ST6GAL1: variants seen among roughly 807,000 people sequenced by gnomAD.
The protein encoded by ST6GAL1 is beta-galactoside alpha-2,6-sialyltransferase 1.
A neutral mutation model predicts 38.0 loss-of-function variants in ST6GAL1; 20 were observed. The observed-to-expected ratio is 0.53, with a 90% CI of 0.37 to 0.77. The LOEUF (loss-of-function observed/expected upper bound fraction) is 0.77, where lower values mean the gene tolerates loss of function less well. ST6GAL1 is among the 30% of genes least tolerant of loss of function. The pLI, the probability that ST6GAL1 is intolerant of heterozygous loss-of-function variation, is 0.00. For missense variants in ST6GAL1, 432 were observed against 496.4 expected (o/e 0.87, Z 1.23); for synonymous variants, 196 against 188.2 (o/e 1.04, Z -0.34).
At chr3:187,003,427 C>T (rs566705855) in intron 2 of ST6GAL1, among the ~76,000 whole-genome samples, 6 of 152,274 alleles carry the variant, frequency 3.9e-5, no homozygotes, top group Admixed American at 6.5e-5. Context: ...TACTCTGTGG[C>T]GCAGTCCAGT....
At chr3:186,961,513 G>A (rs948670068) in intron 1 of ST6GAL1, among the ~76,000 whole-genome samples, 1 of 152,160 alleles carries the variant, frequency 6.6e-6, no homozygotes, top group African/African-American at 2.4e-5. Flanking sequence ...GGCAGGGTGG[G>A]CAGGTAGAAT....
At chr3:186,994,374 C>T (rs145068594) in intron 2 of ST6GAL1, among the ~76,000 whole-genome samples, 1 of 152,212 alleles carries the variant, frequency 6.6e-6, no homozygotes, top group Non-Finnish European at 1.5e-5. Flanking sequence ...AAGACAATTA[C>T]TTCTTCTGGT....
At chr3:187,061,047 A>G (rs959800781) in intron 5 of ST6GAL1, among the ~76,000 whole-genome samples, 7 of 152,238 alleles carry the variant, frequency 4.6e-5, no homozygotes, top group African/African-American at 1.2e-4. Context: ...CACCCAAAAA[A>G]TATTCATTTT....
chr3:187,006,694 A>G (rs1716797691), intron 2 of ST6GAL1: 1 of 152,272 alleles, frequency 6.6e-6, no homozygotes, highest in Non-Finnish European at 1.5e-5. Context: ...AGCAATTAGC[A>G]GAGCTGGAAT....
intron 2 of ST6GAL1, among the ~76,000 whole-genome samples, chr3:187,010,911 A>AC (rs1204113564): frequency 2.6e-5 from 4 of 151,804 alleles, no homozygotes; most frequent in Non-Finnish European, 5.9e-5. Context: ...TTTTAACTAG[A>AC]CCCCCCTCCC....
chr3:187,010,718 AACTGATAAGAT>A (rs887830556), intron 2 of ST6GAL1, among the ~76,000 whole-genome samples: 10 of 152,318 alleles, frequency 6.6e-5, no homozygotes, highest in Admixed American at 3.9e-4. Flanking sequence ...GAATGCAGTT[AACTGATAAGAT>A]ACTGTGGCGA....
intron 1 of ST6GAL1, among the ~76,000 whole-genome samples, chr3:186,961,520 G>A (rs1044517418): frequency 6.6e-6 from 1 of 152,164 alleles, no homozygotes; most frequent in African/African-American, 2.4e-5. Flanking sequence ...TGGGCAGGTA[G>A]AATGACTTGC....
At position 186,997,826 on chromosome 3, in the gene ST6GAL1, C is replaced by T. The variant is rs1275469539; in HGVS notation, c.-183+33900C>T. 1.5e-4 allele frequency among the ~76,000 whole-genome samples: 23 copies of T among 151,658 alleles called. 1 individual carries two copies. The highest frequency in any genetic ancestry group is 3.9e-4 in the African/African-American group (16 of 41,230). On this transcript the variant is annotated intron_variant, in intron 2 of 7. Coordinates refer to ENST00000169298, the MANE Select transcript of ST6GAL1 (RefSeq NM_173216.2). ...GACAATGCTGACTGGTGAGTGGGGA[C>T]GGAGAAATAAAGAACTAACATTGTG...
At chr3:187,001,425 T>A (rs1353908863) in intron 2 of ST6GAL1, among the ~76,000 whole-genome samples, 1 of 152,216 alleles carries the variant, frequency 6.6e-6, no homozygotes, top group Non-Finnish European at 1.5e-5. Flanking sequence ...TGAAAAGTGC[T>A]GAGATCAGTG....
chr3:186,969,027 T>C (rs1715247195), intron 2 of ST6GAL1, among the ~76,000 whole-genome samples: 1 of 150,660 alleles, frequency 6.6e-6, no homozygotes, highest in African/African-American at 2.4e-5. Context: ...TTTTTCTTTT[T>C]CTTTTTTTCT....
intron 5 of ST6GAL1, among the ~76,000 whole-genome samples, chr3:187,055,488 A>ACATT (rs1718667365): frequency 6.6e-6 from 1 of 152,092 alleles, no homozygotes. Flanking sequence ...TGTGTCCCAG[A>ACATT]CATTCTGGTA....
chr3:186,989,312 C>T lies in ST6GAL1; in HGVS notation c.-183+25386C>T, dbSNP rs1282328648. ...AAAAAAGAACAGACGTTTGTTAGAA[C>T]CAGGAAATGGATACTTAGGGGAATG... is the stretch of plus-strand genomic sequence containing the variant. On this transcript the variant is annotated intron_variant, in intron 2 of 7. Coordinates refer to ENST00000169298, the MANE Select transcript of ST6GAL1 (RefSeq NM_173216.2). Among the ~76,000 whole-genome samples, 5 of 152,106 alleles carry T rather than the reference C, an allele frequency of 3.3e-5. No homozygotes were observed. The South Asian group carries it at 1.0e-3, about 32-fold the overall frequency.
At chr3:186,967,700 A>T (rs189056378) in intron 2 of ST6GAL1, among the ~76,000 whole-genome samples, 1 of 152,348 alleles carries the variant, frequency 6.6e-6, no homozygotes, top group Admixed American at 6.5e-5. Flanking sequence ...CAGAACATGA[A>T]TTACAGCCGA....
chr3:186,986,122 C>T (rs944219044), intron 2 of ST6GAL1, among the ~76,000 whole-genome samples: 1 of 152,016 alleles, frequency 6.6e-6, no homozygotes, highest in Non-Finnish European at 1.5e-5. Flanking sequence ...GTCAAGAGAC[C>T]CCGCCATAAG....
chr3:186,990,820 G>GA lies in ST6GAL1; in HGVS notation c.-183+26905dup, dbSNP rs111445205. On this transcript the variant is annotated intron_variant, in intron 2 of 7. Transcript: ENST00000169298. ...AAGAGCAAAACTTCATCTCAAAAAA[G>GA]AAAAAAAAAAAGGATATAAACCAGC... Among the ~76,000 whole-genome samples the GA allele has an allele frequency of 9.1e-3, 1,294 of 142,040 alleles. 15 individuals carry two copies. Among genetic ancestry groups the GA allele is most frequent in the East Asian group, 0.053 (262 of 4,904 alleles). The allele number at this position is 142,040 out of a possible 152,430, so 93.2% of individuals were successfully genotyped here. A position where few individuals can be genotyped will look rare whatever the true frequency, so the allele number is the denominator to read the frequency against.
intron 2 of ST6GAL1, among the ~76,000 whole-genome samples, chr3:186,996,228 T>A (rs193004207): frequency 6.6e-6 from 1 of 152,342 alleles, no homozygotes; most frequent in Admixed American, 6.5e-5. Flanking sequence ...TCTGTGTATT[T>A]GCTTTTCCTG....
chr3:187,028,332 T>C (rs910337965), intron 2 of ST6GAL1, among the ~76,000 whole-genome samples: 1 of 152,198 alleles, frequency 6.6e-6, no homozygotes, highest in Non-Finnish European at 1.5e-5. Flanking sequence ...TTGTCTATCG[T>C]GACTTTTTTC....
intron 5 of ST6GAL1, among the ~76,000 whole-genome samples, chr3:187,052,069 A>G (rs1718534696): frequency 6.6e-6 from 1 of 152,076 alleles, no homozygotes; most frequent in South Asian, 2.1e-4. Flanking sequence ...TTATGTCAGT[A>G]TTTAGTCTGC....
At chr3:186,941,633 A>G (rs1714177287) in intron 1 of ST6GAL1, among the ~76,000 whole-genome samples, 1 of 152,080 alleles carries the variant, frequency 6.6e-6, no homozygotes, top group African/African-American at 2.4e-5. Flanking sequence ...ACAAATAAGG[A>G]AGAACTGACT....
Sources: allele counts gnomAD v4.1 joint callset (sites outside exome capture counted in the v4.1 genomes callset), GRCh38; gene constraint gnomAD v4.1.1; transcripts MANE v1.5; gene names NCBI Gene and HGNC (gene_info 2026-07-23, HGNC 2026-07-21).